The following ROBO2 variants were observed in gnomAD, a reference collection of about 807,000 sequenced individuals.
ROBO2 encodes the protein roundabout homolog 2.
ROBO2 carries 53 observed loss-of-function variants against 160.8 expected under a neutral mutation model. The ratio of observed to expected loss-of-function variants is 0.33; its 90% CI spans 0.26 to 0.41. The LOEUF is 0.41. ROBO2 is among the 10% of genes least tolerant of loss of function. The probability of loss-of-function intolerance (pLI) is 1.00; values close to 1 mark genes in which losing one functional copy is unlikely to be tolerated. For synonymous variants in ROBO2, 664 were observed against 611.7 expected, an observed-to-expected ratio of 1.09 and a Z score of -1.26; for missense variants, 1,577 against 1,722.4, an observed-to-expected ratio of 0.92 and a Z score of 1.49.
chr3:77,568,013 A>T (rs2093534927), intron 12 of ROBO2, among the ~76,000 whole-genome samples: 1 of 152,044 alleles, frequency 6.6e-6, no homozygotes. Context: ...CACATACTTT[A>T]TCCTTTAGTA....
chr3:77,278,286 T>C (rs1397334809), intron 2 of ROBO2, among the ~76,000 whole-genome samples: 1 of 152,178 alleles, frequency 6.6e-6, no homozygotes, highest in Admixed American at 6.6e-5. Context: ...TCCACTATGT[T>C]AATGACAAAT....
intron 2 of ROBO2, among the ~76,000 whole-genome samples, chr3:76,289,162 T>C (rs1015264433): frequency 2.0e-5 from 3 of 152,178 alleles, no homozygotes; most frequent in African/African-American, 7.2e-5. Flanking sequence ...CATCTGTTAC[T>C]TTTTGACCCT....
At chr3:77,000,377 C>G (rs2061275169) in intron 2 of ROBO2, among the ~76,000 whole-genome samples, 1 of 152,178 alleles carries the variant, frequency 6.6e-6, no homozygotes, top group Non-Finnish European at 1.5e-5. Context: ...AGAGCTTCCC[C>G]TTTGCCAGCC....
intron 2 of ROBO2, among the ~76,000 whole-genome samples, chr3:77,137,955 T>A (rs2076408092): frequency 6.6e-6 from 1 of 152,160 alleles, no homozygotes; most frequent in Non-Finnish European, 1.5e-5. Context: ...CAGTTAAATT[T>A]AACAGAATTT....
chr3:76,124,701 C>T (rs1194350870), intron 2 of ROBO2, among the ~76,000 whole-genome samples: 2 of 151,668 alleles, frequency 1.3e-5, no homozygotes, highest in Admixed American at 1.3e-4. Flanking sequence ...TTACAATGAA[C>T]TTCTCAAATT....
At chr3:76,887,194 A>ATTTTTTTT (rs5850296) in intron 2 of ROBO2, among the ~76,000 whole-genome samples, 1 of 76,568 alleles carries the variant, frequency 1.3e-5, no homozygotes, top group Non-Finnish European at 2.3e-5. Flanking sequence ...TTCAGGAAGC[A>ATTTTTTTT]TTTTTTTTTT....
chr3:77,346,150 A>G (rs1208998669), intron 2 of ROBO2, among the ~76,000 whole-genome samples: 1 of 152,202 alleles, frequency 6.6e-6, no homozygotes, highest in African/African-American at 2.4e-5. Context: ...TTACATGACT[A>G]AACAAGTAAT....
At chr3:76,000,442 C>T (rs2065850518) in intron 2 of ROBO2, among the ~76,000 whole-genome samples, 1 of 151,578 alleles carries the variant, frequency 6.6e-6, no homozygotes, top group Non-Finnish European at 1.5e-5. Context: ...TCAGCTTCAT[C>T]TAGCAAACCG....
At chr3:76,014,060 C>T (rs1403204163) in intron 2 of ROBO2, among the ~76,000 whole-genome samples, 1 of 143,526 alleles carries the variant, frequency 7.0e-6, no homozygotes, top group Non-Finnish European at 1.5e-5. Flanking sequence ...TGGCTGGGTA[C>T]AGTGGCTTAT....
intron 2 of ROBO2, among the ~76,000 whole-genome samples, chr3:76,461,968 G>A (rs1057019325): frequency 2.0e-5 from 3 of 152,074 alleles, no homozygotes; most frequent in Non-Finnish European, 4.4e-5. Context: ...AGTCCCTTCA[G>A]CTTTTTCAGT....
intron 2 of ROBO2, among the ~76,000 whole-genome samples, chr3:76,596,459 C>T (rs1416090252): frequency 6.6e-6 from 1 of 152,020 alleles, no homozygotes. Flanking sequence ...GAATGGAAAA[C>T]CGGCAGCAGA....
intron 4 of ROBO2, among the ~76,000 whole-genome samples, chr3:77,493,014 A>C (rs2086326317): frequency 6.6e-6 from 1 of 152,090 alleles, no homozygotes; most frequent in African/African-American, 2.4e-5. Context: ...ATTTTTTTCC[A>C]AAGGTTGTAT....
At chr3:76,101,216 T>G (rs2108165611) in intron 2 of ROBO2, among the ~76,000 whole-genome samples, 1 of 152,244 alleles carries the variant, frequency 6.6e-6, no homozygotes, top group African/African-American at 2.4e-5. Flanking sequence ...TATTATTGTT[T>G]TAGTATTACA....
intron 7 of ROBO2, among the ~76,000 whole-genome samples, chr3:77,549,846 C>T (rs1316694471): frequency 6.6e-6 from 1 of 151,942 alleles, no homozygotes; most frequent in Non-Finnish European, 1.5e-5. Context: ...TGTTTAATTA[C>T]AAACCTGGAA....
At chr3:76,213,403 A>G (rs1290128519) in intron 2 of ROBO2, among the ~76,000 whole-genome samples, 1 of 152,122 alleles carries the variant, frequency 6.6e-6, no homozygotes, top group Non-Finnish European at 1.5e-5. Context: ...TAAAAAGTGG[A>G]TATGATTGTT....
At chr3:76,651,527 A>G (rs1167348454) in intron 2 of ROBO2, among the ~76,000 whole-genome samples, 1 of 152,062 alleles carries the variant, frequency 6.6e-6, no homozygotes, top group Non-Finnish European at 1.5e-5. Flanking sequence ...ACATGCATTA[A>G]ATGAGAGAGA....
intron 2 of ROBO2, among the ~76,000 whole-genome samples, chr3:76,399,086 C>T (rs1267980204): frequency 4.6e-5 from 7 of 151,418 alleles, no homozygotes; most frequent in South Asian, 2.1e-4. Context: ...ATATTAGGCA[C>T]GCAAGCATAA....
chr3:77,497,890 A>G (rs1399417238), intron 5 of ROBO2, among the ~76,000 whole-genome samples: 1 of 152,184 alleles, frequency 6.6e-6, no homozygotes, highest in Non-Finnish European at 1.5e-5. Context: ...GTAACATGCC[A>G]TAAAGAAACA....
chr3:76,772,844 T>A (rs2061998092), intron 2 of ROBO2, among the ~76,000 whole-genome samples: 1 of 151,104 alleles, frequency 6.6e-6, no homozygotes, highest in African/African-American at 2.4e-5. Flanking sequence ...TATATTTAAG[T>A]CAACAACTGA....
Sources: allele counts gnomAD v4.1 joint callset (sites outside exome capture counted in the v4.1 genomes callset), GRCh38; gene constraint gnomAD v4.1.1; transcripts MANE v1.5; gene names NCBI Gene and HGNC (gene_info 2026-07-23, HGNC 2026-07-21).